The following RIMS2 variants were observed in gnomAD, a reference collection of about 807,000 sequenced individuals.
RIMS2 encodes regulating synaptic membrane exocytosis 2.
RIMS2 carries 59 observed loss-of-function variants against 174.4 expected under a neutral mutation model. That is an observed-to-expected ratio of 0.34 (90% confidence interval 0.27 to 0.42). The LOEUF is 0.42. RIMS2 is among the 10% of genes least tolerant of loss of function. The pLI is 1.00. For missense variants in RIMS2, 1,620 were observed against 1,666.3 expected (o/e 0.97, Z 0.48); for synonymous variants, 606 against 572.5 (o/e 1.06, Z -0.84).
At chr8:103,673,852 C>A (rs574715745) in intron 1 of RIMS2, among the ~76,000 whole-genome samples, 8 of 152,214 alleles carry the variant, frequency 5.3e-5, no homozygotes, top group African/African-American at 1.4e-4. Flanking sequence ...GGCCAGACTG[C>A]AGATTTTCCA....
At position 103,564,141 on chromosome 8, in the gene RIMS2, A is replaced by G. The variant is rs573179618; in HGVS notation, c.176+63079A>G. Reference sequence around the variant, plus strand: ...TAATTCTCCTGCACAGGAGAAGAACATAACTTTTGTTAAGACATGCACTAA... The same window carrying G: ...TAATTCTCCTGCACAGGAGAAGAACGTAACTTTTGTTAAGACATGCACTAA... On this transcript the variant is annotated intron_variant, in intron 1 of 23. Transcript: ENST00000504942. Among the ~76,000 whole-genome samples, 30 of 152,328 alleles carry G rather than the reference A, an allele frequency of 2.0e-4. No homozygotes were observed. The East Asian group carries it at 5.2e-3, about 26-fold the overall frequency.
intron 19 of RIMS2, among the ~76,000 whole-genome samples, chr8:104,198,417 T>G (rs767284241): frequency 3.3e-5 from 5 of 152,178 alleles, no homozygotes; most frequent in Non-Finnish European, 7.3e-5. Flanking sequence ...AAGGAGAATC[T>G]TATTCTATTA....
At chr8:104,069,108 G>T (rs1791965154) in intron 19 of RIMS2, among the ~76,000 whole-genome samples, 1 of 152,082 alleles carries the variant, frequency 6.6e-6, no homozygotes, top group Non-Finnish European at 1.5e-5. Flanking sequence ...CAACCATTCT[G>T]TTTTTCACTT....
intron 3 of RIMS2, among the ~76,000 whole-genome samples, chr8:103,824,866 C>T (rs1410166374): frequency 6.6e-6 from 1 of 152,074 alleles, no homozygotes; most frequent in Non-Finnish European, 1.5e-5. Flanking sequence ...AAATGTGAGA[C>T]GTAGAGTTAA....
chr8:103,616,283 A>G (rs946183717), intron 1 of RIMS2, among the ~76,000 whole-genome samples: 1 of 152,220 alleles, frequency 6.6e-6, no homozygotes, highest in African/African-American at 2.4e-5. Context: ...TGATTGTCTC[A>G]ATAGATGCAG....
At chr8:104,059,798 A>G (rs530378990) in intron 19 of RIMS2, among the ~76,000 whole-genome samples, 114 of 152,174 alleles carry the variant, frequency 7.5e-4, no homozygotes, top group African/African-American at 2.7e-3. Flanking sequence ...GAATTTTGTC[A>G]AAGGCCTTTT....
chr8:103,591,382 A>G (rs1315189228), intron 1 of RIMS2, among the ~76,000 whole-genome samples: 1 of 150,974 alleles, frequency 6.6e-6, no homozygotes, highest in African/African-American at 2.4e-5. Flanking sequence ...TTTCTTCATA[A>G]TATCTTTTGA....
At chr8:103,885,376 T>C in exon 4 of RIMS2, 1 of 1,612,622 alleles carries the variant, frequency 6.2e-7, no homozygotes, top group Non-Finnish European at 8.5e-7. Context: ...ATTCACAGTA[T>C]GCTACTTCGG....
At chr8:103,539,721 A>G (rs1288788979) in intron 1 of RIMS2, among the ~76,000 whole-genome samples, 1 of 150,476 alleles carries the variant, frequency 6.6e-6, no homozygotes, top group Non-Finnish European at 1.5e-5. Flanking sequence ...AGAAGCAGCC[A>G]CTGTTAAGTT....
At chr8:104,210,025 T>C (rs2099098534) in intron 19 of RIMS2, among the ~76,000 whole-genome samples, 1 of 152,088 alleles carries the variant, frequency 6.6e-6, no homozygotes, top group Non-Finnish European at 1.5e-5. Flanking sequence ...GGACATGCAA[T>C]GAAAGATTCA....
intron 19 of RIMS2, among the ~76,000 whole-genome samples, chr8:104,207,100 T>G (rs1171937678): frequency 6.6e-6 from 1 of 152,150 alleles, no homozygotes; most frequent in African/African-American, 2.4e-5. Flanking sequence ...ACAGGCTTCT[T>G]TTTTTACATA....
At chr8:104,251,099 C>T (rs751410503) in exon 23 of RIMS2, 2 of 1,613,466 alleles carry the variant, frequency 1.2e-6, no homozygotes, top group Non-Finnish European at 1.7e-6. Flanking sequence ...GCAAGAAAAA[C>T]GCTGGAACCC....
Position 103,908,077 on chromosome 8 carries a change from C to G in RIMS2, c.1625-2057C>G, listed in dbSNP as rs942903381. Among the ~76,000 whole-genome samples, 26 of 147,302 alleles carry G rather than the reference C, an allele frequency of 1.8e-4. 1 individual carries two copies. The highest frequency in any genetic ancestry group is 1.3e-4 in the Admixed American group (2 of 14,816). Reference sequence around the variant, plus strand: ...TTTTCTTTCTTGAGACAGTCTCGCTCTGTCTCCAGGCTGGAGTGCAGTGGC... The same window carrying G: ...TTTTCTTTCTTGAGACAGTCTCGCTGTGTCTCCAGGCTGGAGTGCAGTGGC... On this transcript the variant is annotated intron_variant, in intron 4 of 23. Transcript: ENST00000504942.
At chr8:104,173,428 G>A (rs1011157655) in intron 19 of RIMS2, among the ~76,000 whole-genome samples, 1 of 151,872 alleles carries the variant, frequency 6.6e-6, no homozygotes, top group Non-Finnish European at 1.5e-5. Context: ...ATAATTATAG[G>A]ATAACAATGA....
chr8:104,118,372 T>TTTTTTGG (rs746844070), intron 19 of RIMS2, among the ~76,000 whole-genome samples: 2 of 78,038 alleles, frequency 2.6e-5, no homozygotes, highest in African/African-American at 6.2e-5. Context: ...GTTTTTTTGT[T>TTTTTTGG]TTTTTTTTTT....
intron 3 of RIMS2, among the ~76,000 whole-genome samples, chr8:103,780,775 TC>T (rs777260320): frequency 6.6e-6 from 1 of 152,156 alleles, no homozygotes. Context: ...GATAATGGTT[TC>T]CTGTTTGCTA....
intron 3 of RIMS2, among the ~76,000 whole-genome samples, chr8:103,829,682 A>C (rs1343522548): frequency 1.3e-5 from 2 of 152,164 alleles, no homozygotes; most frequent in African/African-American, 4.8e-5. Flanking sequence ...AAAGAAGGGA[A>C]GATTAGACAC....
At chr8:104,063,938 C>T (rs1400008480) in intron 19 of RIMS2, among the ~76,000 whole-genome samples, 4 of 152,094 alleles carry the variant, frequency 2.6e-5, no homozygotes, top group Admixed American at 1.3e-4. Context: ...AAACTTAAAA[C>T]GATTACTGTT....
At chr8:103,764,064 A>G (rs1248225952) in intron 2 of RIMS2, among the ~76,000 whole-genome samples, 1 of 152,218 alleles carries the variant, frequency 6.6e-6, no homozygotes, top group Admixed American at 6.5e-5. Flanking sequence ...GGGACCTGGG[A>G]ATCGGCACTT....
Sources: allele counts gnomAD v4.1 joint callset (sites outside exome capture counted in the v4.1 genomes callset), GRCh38; gene constraint gnomAD v4.1.1; transcripts MANE v1.5; gene names NCBI Gene and HGNC (gene_info 2026-07-23, HGNC 2026-07-21).